Variants in NEMP2 observed in about 807,000 individuals in gnomAD.
NEMP2 encodes the protein nuclear envelope integral membrane protein 2.
Under a neutral mutation model 54.2 loss-of-function variants are expected in NEMP2, and 53 were observed. The ratio of observed to expected loss-of-function variants is 0.98; its 90% CI spans 0.78 to 1.23. The LOEUF (loss-of-function observed/expected upper bound fraction) is 1.23. Ranked by LOEUF, NEMP2 falls within the 50% of genes most tolerant of loss-of-function variation. NEMP2 has a pLI of 0.00. For synonymous variants in NEMP2, 197 were observed against 190.3 expected (o/e 1.04, Z -0.29); for missense variants, 455 against 511.3 (o/e 0.89, Z 1.06).
the NEMP2 span, among the ~76,000 whole-genome samples, chr2:190,598,091 T>G: frequency 6.6e-6 from 1 of 152,158 alleles, no homozygotes; most frequent in Admixed American, 6.6e-5. Flanking sequence ...CATCCCTGAC[T>G]CCACCAACTA....
At position 190,525,789 on chromosome 2, in the gene NEMP2, A is replaced by T. The variant is rs1690911796; in HGVS notation, c.98-411T>A. ...TGTACAGAATCATGAAAATGAGATA[A>T]ATTATGGAATTAATTCAGTTTAGAG... On this transcript the variant is annotated intron_variant, in intron 1 of 8. Coordinates refer to ENST00000409150, the MANE Select transcript of NEMP2 (RefSeq NM_001142645.2). This position sits in a 1 kb window ranked among gnomAD's most constrained non-coding sequence, Gnocchi z 5.0. Among the ~76,000 whole-genome samples, 1 of 152,092 alleles carries T rather than the reference A, an allele frequency of 6.6e-6. No individual in the cohort carries two copies. Among genetic ancestry groups the T allele is most frequent in the Non-Finnish European group, 1.5e-5 (1 of 68,020 alleles).
At chr2:190,477,649 T>G in the NEMP2 span, among the ~76,000 whole-genome samples, 2 of 152,188 alleles carry the variant, frequency 1.3e-5, no homozygotes, top group East Asian at 3.8e-4. Flanking sequence ...TGCTGGGTGC[T>G]GAGAATGTAA....
At chr2:190,582,188 C>T in the NEMP2 span, among the ~76,000 whole-genome samples, 15 of 152,126 alleles carry the variant, frequency 9.9e-5, no homozygotes, top group African/African-American at 2.9e-4. The surrounding 1 kb of genome is among the most constrained non-coding windows in gnomAD (Gnocchi z 4.6). Context: ...CTTAGTCACT[C>T]GGGAACCATA....
the NEMP2 span, among the ~76,000 whole-genome samples, chr2:190,482,903 T>TTTTTTTTTTTTTTTTTTTTTTTTG: frequency 3.1e-4 from 27 of 86,250 alleles, 10 homozygotes; most frequent in Non-Finnish European, 3.9e-4. Context: ...TTTTTTTTTT[T>TTTTTTTTTTTTTTTTTTTTTTTTG]AGACGGAGTC....
At chr2:190,471,748 C>T in the NEMP2 span, among the ~76,000 whole-genome samples, 1 of 152,190 alleles carries the variant, frequency 6.6e-6, no homozygotes, top group African/African-American at 2.4e-5. The surrounding 1 kb of genome is among the most constrained non-coding windows in gnomAD (Gnocchi z 4.7). Flanking sequence ...GACAGTAGTT[C>T]TCCCAGGACG....
At chr2:190,648,663 A>G in the NEMP2 span, among the ~76,000 whole-genome samples, 1 of 150,410 alleles carries the variant, frequency 6.6e-6, no homozygotes, top group Admixed American at 6.6e-5. Flanking sequence ...GCAGCTGGAG[A>G]GCAGGCCGGA....
chr2:190,644,991 C>T, the NEMP2 span, among the ~76,000 whole-genome samples: 1 of 152,168 alleles, frequency 6.6e-6, no homozygotes, highest in Non-Finnish European at 1.5e-5. This position sits in a 1 kb window ranked among gnomAD's most constrained non-coding sequence, Gnocchi z 4.4. Flanking sequence ...TACTGTGACA[C>T]ACTCTACAAC....
At chr2:190,439,887 T>A in the NEMP2 span, among the ~76,000 whole-genome samples, 898 of 152,344 alleles carry the variant, frequency 5.9e-3, 11 homozygotes, top group African/African-American at 0.021. This position sits in a 1 kb window ranked among gnomAD's most constrained non-coding sequence, Gnocchi z 5.8. Flanking sequence ...TTAGGTAGAA[T>A]GGATCTGTTC....
the NEMP2 span, among the ~76,000 whole-genome samples, chr2:190,612,524 T>TATAAA: frequency 6.6e-6 from 1 of 152,192 alleles, no homozygotes; most frequent in Admixed American, 6.5e-5. Context: ...TCCTTCATTA[T>TATAAA]ATAAAATATC....
At chr2:190,594,906 C>T in the NEMP2 span, among the ~76,000 whole-genome samples, 14,750 of 152,136 alleles carry the variant, frequency 0.097, 1,072 homozygotes, top group African/African-American at 0.2. This position sits in a 1 kb window ranked among gnomAD's most constrained non-coding sequence, Gnocchi z 5.6. Flanking sequence ...AGAAAAGTTC[C>T]ACTTCCAAAT....
upstream of NEMP2, among the ~76,000 whole-genome samples, chr2:190,537,390 G>A (rs764713763): frequency 3.9e-5 from 6 of 152,144 alleles, no homozygotes; most frequent in Non-Finnish European, 8.8e-5. Context: ...TGAATCATGG[G>A]GGTTATTCTT....
At chr2:190,446,652 C>T in the NEMP2 span, among the ~76,000 whole-genome samples, 11 of 152,116 alleles carry the variant, frequency 7.2e-5, no homozygotes, top group African/African-American at 2.7e-4. Context: ...GAAACATGGA[C>T]TACGAACTAG....
the NEMP2 span, among the ~76,000 whole-genome samples, chr2:190,570,204 A>T: frequency 6.6e-6 from 1 of 152,254 alleles, no homozygotes; most frequent in Non-Finnish European, 1.5e-5. This position sits in a 1 kb window ranked among gnomAD's most constrained non-coding sequence, Gnocchi z 5.4. Flanking sequence ...TCTGATAGTC[A>T]TTTAGGTAAA....
chr2:190,532,539 T>G lies in NEMP2; in HGVS notation c.97+2020A>C, dbSNP rs372186404. Among the ~76,000 whole-genome samples the G allele has an allele frequency of 4.6e-5, 7 of 152,312 alleles. No homozygotes were observed. The East Asian group carries it at 1.2e-3, about 25-fold the overall frequency. On this transcript the variant is annotated intron_variant, in intron 1 of 8. Coordinates refer to ENST00000409150, the MANE Select transcript of NEMP2 (RefSeq NM_001142645.2). ...AAACTCTTGAAGTTTCTCCTCTCAG[T>G]CAGACAACTACCTGCTCCTCCTGTG...
the NEMP2 span, among the ~76,000 whole-genome samples, chr2:190,483,619 G>C: frequency 0.16 from 23,712 of 151,922 alleles, 1,985 homozygotes; most frequent in East Asian, 0.3. Context: ...GGCAGATCAC[G>C]AGGTCAAGAG....
At position 190,529,836 on chromosome 2, in the gene NEMP2, T is replaced by C. The variant is rs566693105; in HGVS notation, c.98-4458A>G. Among the ~76,000 whole-genome samples, 220 of 152,298 alleles carry C rather than the reference T, an allele frequency of 1.4e-3. 1 individual carries two copies. The highest frequency in any genetic ancestry group is 6.8e-3 in the Middle Eastern group (2 of 294). ...ACCACCTGATGTAGTAGGATGCCCT[T>C]GCCAGCCTGTGCCACTGCCATCCCA... is the stretch of plus-strand genomic sequence containing the variant. On this transcript the variant is annotated intron_variant, in intron 1 of 8. Coordinates refer to ENST00000409150, the MANE Select transcript of NEMP2 (RefSeq NM_001142645.2). This position sits in a 1 kb window ranked among gnomAD's most constrained non-coding sequence, Gnocchi z 4.7.
the NEMP2 span, among the ~76,000 whole-genome samples, chr2:190,485,249 A>G: frequency 6.6e-6 from 1 of 152,214 alleles, no homozygotes; most frequent in East Asian, 1.9e-4. The surrounding 1 kb of genome is among the most constrained non-coding windows in gnomAD (Gnocchi z 5.1). Context: ...TCACACTTAA[A>G]AGAATAACTG....
chr2:190,476,010 T>C, the NEMP2 span, among the ~76,000 whole-genome samples: 318 of 152,290 alleles, frequency 2.1e-3, 1 homozygote, highest in Non-Finnish European at 3.4e-3. Flanking sequence ...GCTAGCCATA[T>C]ATAGAAAGCT....
At chr2:190,472,289 G>A in the NEMP2 span, among the ~76,000 whole-genome samples, 4 of 152,088 alleles carry the variant, frequency 2.6e-5, no homozygotes, top group East Asian at 1.9e-4. Flanking sequence ...AAACTACTCC[G>A]AGCTAAAGGA....
Sources: gnomAD v4.1 joint callset for allele counts (sites outside exome capture counted in the v4.1 genomes callset) on GRCh38, gnomAD v4.1.1 for gene constraint, Gnocchi (gnomAD v3.1) non-coding constraint, MANE v1.5 for transcripts, NCBI Gene and HGNC (gene_info 2026-07-23, HGNC 2026-07-21) for gene names.